Variants in PI4K2B observed in about 807,000 individuals in gnomAD.
PI4K2B encodes phosphatidylinositol 4-kinase type 2-beta.
A neutral mutation model predicts 56.6 loss-of-function variants in PI4K2B; 46 were observed. The observed-to-expected ratio is 0.81, with a 90% CI of 0.64 to 1.04. PI4K2B has a LOEUF of 1.04. Ranked by LOEUF, PI4K2B falls within the 50% of genes least tolerant of loss-of-function variation. The pLI is 0.00. For synonymous variants in PI4K2B, 211 were observed against 223.8 expected (o/e 0.94, Z 0.51); for missense variants, 556 against 607.7 (o/e 0.91, Z 0.89).
intron 1 of PI4K2B, among the ~76,000 whole-genome samples, chr4:25,240,688 C>T (rs1715478617): frequency 6.6e-6 from 1 of 152,170 alleles, no homozygotes; most frequent in Non-Finnish European, 1.5e-5. Flanking sequence ...GAAATTTACC[C>T]TGGCTTTTAA....
intron 1 of PI4K2B, among the ~76,000 whole-genome samples, chr4:25,236,776 CAAGTGTTA>C (rs1007454634): frequency 3.3e-5 from 5 of 152,132 alleles, no homozygotes; most frequent in African/African-American, 1.2e-4. Flanking sequence ...CATGGGTCCA[CAAGTGTTA>C]TAAAATAATT....
intron 1 of PI4K2B, among the ~76,000 whole-genome samples, chr4:25,251,854 G>A (rs1716066432): frequency 1.3e-5 from 2 of 151,726 alleles, no homozygotes; most frequent in Non-Finnish European, 2.9e-5. Context: ...ACGGTGTCTC[G>A]CTCTTATTGC....
rs1457667546 is a variant in PI4K2B at position 25,234,155 on chromosome 4, A to AGGGAGTCCATGGAGGATCCCT, written c.-8_13dup. 10 of 1,354,234 alleles carry AGGGAGTCCATGGAGGATCCCT rather than the reference A, an allele frequency of 7.4e-6. No homozygotes were observed. The South Asian group carries it at 1.8e-4, about 25-fold the overall frequency. The allele number at this position is 1,354,234 out of a possible 1,614,324, so 83.9% of individuals were successfully genotyped here. ...TCTGGTCTCAGCGCGGAGGGAGCAGAGGGAGTCCATGGAGGATCCCTCCGA... is the reference window on the plus strand; with the variant it reads ...TCTGGTCTCAGCGCGGAGGGAGCAGAGGGAGTCCATGGAGGATCCCTGGGAGTCCATGGAGGATCCCTCCGA... On this transcript the variant is annotated 5_prime_UTR_variant, in exon 1 of 10. In the 5' UTR this introduces an upstream ATG that the reference lacks. Transcript: ENST00000264864.
chr4:25,248,981 C>G (rs1234571778), intron 1 of PI4K2B, among the ~76,000 whole-genome samples: 1 of 152,058 alleles, frequency 6.6e-6, no homozygotes, highest in African/African-American at 2.4e-5. Context: ...GTTTGTGTCT[C>G]TGGGTACTTG....
At chr4:25,259,319 A>AGACAG in intron 5 of PI4K2B, 129 bp downstream of exon 5, 1 of 641,950 alleles carries the variant, frequency 1.6e-6, no homozygotes, top group Non-Finnish European at 2.7e-6. Context: ...TGTCTTGGCA[A>AGACAG]ACAGATGTAG....
At chr4:25,234,671 T>C (rs888185525) in intron 1 of PI4K2B, among the ~76,000 whole-genome samples, 8 of 152,238 alleles carry the variant, frequency 5.3e-5, no homozygotes, top group African/African-American at 1.4e-4. Flanking sequence ...ACCGATTCTT[T>C]AGACCTCCCC....
At chr4:25,276,302 CATGAT>C (rs1318880185) in intron 9 of PI4K2B, 1 of 353,166 alleles carries the variant, frequency 2.8e-6, no homozygotes, top group Non-Finnish European at 4.0e-6. Flanking sequence ...TATCTTTGAA[CATGAT>C]ATGTAATATA....
At chr4:25,252,070 A>G (rs1577685045) in intron 1 of PI4K2B, among the ~76,000 whole-genome samples, 2 of 151,704 alleles carry the variant, frequency 1.3e-5, no homozygotes, top group Non-Finnish European at 2.9e-5. Context: ...CAGGTGATCC[A>G]CTCGCCTCAG....
chr4:25,252,570 A>T, intron 2 of PI4K2B, 95 bp downstream of exon 2: 1 of 889,326 alleles, frequency 1.1e-6, no homozygotes, highest in Non-Finnish European at 1.8e-6. Context: ...ATATTTTCCT[A>T]TTAAGTCTGA....
rs1010399018 is a variant in PI4K2B at position 25,264,435 on chromosome 4, T to A, written c.1078+586T>A. Among the ~76,000 whole-genome samples, 7 of 152,214 alleles carry A rather than the reference T, an allele frequency of 4.6e-5. 1 individual carries two copies. Among genetic ancestry groups the A allele is most frequent in the Admixed American group, 3.3e-4 (5 of 15,286 alleles). On this transcript the variant is annotated intron_variant, in intron 7 of 9. Coordinates refer to ENST00000264864, the MANE Select transcript of PI4K2B (RefSeq NM_018323.4). ...CGTATTGAGTATTTAGGGAGTTAAATGAAATGATTTCTGTAATTTGCCTTA... is the reference window on the plus strand; with the variant it reads ...CGTATTGAGTATTTAGGGAGTTAAAAGAAATGATTTCTGTAATTTGCCTTA...
chr4:25,268,545 A>G lies in PI4K2B; in HGVS notation c.1181A>G (p.Asp394Gly). 6.3e-7 allele frequency: 1 copy of G among 1,588,718 alleles called. No individual in the cohort carries two copies. Among genetic ancestry groups the G allele is most frequent in the Non-Finnish European group, 8.6e-7 (1 of 1,163,738 alleles). The change falls in exon 8 of 10, where the codon GAT becomes GGT. Residue 394 changes from aspartate to glycine, a missense_variant. Transcript: ENST00000264864. ...PYISDMNFVQ[D>G]LCEDLYELFK... is the part of the protein sequence containing the mutation. ...ATTTCTGACATGAACTTTGTGCAAG[A>G]TTTATGTGAAGATCTCTATGAACTT...
At chr4:25,244,741 C>G (rs1715686167) in intron 1 of PI4K2B, among the ~76,000 whole-genome samples, 1 of 152,116 alleles carries the variant, frequency 6.6e-6, no homozygotes, top group Admixed American at 6.6e-5. Context: ...CCGCAACGGT[C>G]CCTGGACCCT....
chr4:25,260,941 C>A (rs1345167766), intron 6 of PI4K2B, among the ~76,000 whole-genome samples: 1 of 148,214 alleles, frequency 6.7e-6, no homozygotes, highest in Non-Finnish European at 1.5e-5. Context: ...CTTCTGGCCT[C>A]AAGCAATCCA....
intron 9 of PI4K2B, among the ~76,000 whole-genome samples, chr4:25,269,828 C>G (rs1489194755): frequency 6.6e-6 from 1 of 151,618 alleles, no homozygotes; most frequent in Non-Finnish European, 1.5e-5. Context: ...ATTCTCCTGC[C>G]TCAGCCTCCC....
chr4:25,239,563 G>A lies in PI4K2B; in HGVS notation c.268+5132G>A, dbSNP rs1449142547. Reference sequence around the variant, plus strand: ...CCAAGCCCATGCCCACCCGGAACTCGCGCTGGCCCGCAAGTGCCACACGCA... The same window carrying A: ...CCAAGCCCATGCCCACCCGGAACTCACGCTGGCCCGCAAGTGCCACACGCA... On this transcript the variant is annotated intron_variant, in intron 1 of 9. Coordinates refer to ENST00000264864, the MANE Select transcript of PI4K2B (RefSeq NM_018323.4). Among the ~76,000 whole-genome samples, 4 of 60,008 alleles carry A rather than the reference G, an allele frequency of 6.7e-5. 1 individual carries two copies. Among genetic ancestry groups the A allele is most frequent in the South Asian group, 4.5e-4 (1 of 2,232 alleles). The allele number at this position is 60,008 out of a possible 152,430, so 39.4% of individuals were successfully genotyped here.
chr4:25,265,266 G>A (rs1267862214), intron 7 of PI4K2B, among the ~76,000 whole-genome samples: 3 of 144,500 alleles, frequency 2.1e-5, no homozygotes, highest in Non-Finnish European at 4.5e-5. Flanking sequence ...CAATTTATTA[G>A]TGAGCCTTTT....
intron 1 of PI4K2B, among the ~76,000 whole-genome samples, chr4:25,241,089 C>T (rs942086235): frequency 1.3e-5 from 2 of 152,256 alleles, no homozygotes; most frequent in African/African-American, 2.4e-5. Context: ...CTATAATTTC[C>T]TTGTGGTATT....
chr4:25,238,286 C>G (rs1560364800), intron 1 of PI4K2B, among the ~76,000 whole-genome samples: 2 of 152,160 alleles, frequency 1.3e-5, no homozygotes, highest in South Asian at 4.1e-4. Flanking sequence ...CAAAACAGAA[C>G]AGACAAAGGG....
intron 1 of PI4K2B, among the ~76,000 whole-genome samples, chr4:25,241,833 A>G (rs947258745): frequency 6.6e-6 from 1 of 152,188 alleles, no homozygotes; most frequent in Non-Finnish European, 1.5e-5. Context: ...TGACGTATAA[A>G]GAGAAGTTTT....
Sources: allele counts gnomAD v4.1 joint callset (sites outside exome capture counted in the v4.1 genomes callset), GRCh38; gene constraint gnomAD v4.1.1; transcripts MANE v1.5; gene names NCBI Gene and HGNC (gene_info 2026-07-23, HGNC 2026-07-21).